The following VGLL4 variants were observed in gnomAD, a reference collection of about 807,000 sequenced individuals.
VGLL4 encodes transcription cofactor vestigial-like protein 4.
Under a neutral mutation model 21.0 loss-of-function variants are expected in VGLL4, and 7 were observed. That is an observed-to-expected ratio of 0.33 (90% CI 0.19 to 0.63). The LOEUF is 0.63. Among genes scored for constraint, VGLL4 ranks in the 20% least tolerant of loss-of-function variants. The pLI is 0.78. For synonymous variants in VGLL4, 222 were observed against 173.2 expected, an observed-to-expected ratio of 1.28 and a Z score of -2.21; for missense variants, 394 against 425.7, an observed-to-expected ratio of 0.93 and a Z score of 0.66.
intron 2 of VGLL4, among the ~76,000 whole-genome samples, chr3:11,578,101 A>G (rs1038284191): frequency 1.3e-5 from 2 of 152,198 alleles, no homozygotes; most frequent in Admixed American, 6.5e-5. Context: ...TAGACAGTCT[A>G]ATAAAAACTA....
At chr3:11,645,603 CA>C (rs34230304), upstream of VGLL4, among the ~76,000 whole-genome samples, 447 of 77,342 alleles carry the variant, frequency 5.8e-3, 21 homozygotes, top group African/African-American at 0.015. Flanking sequence ...GACTCCGTCT[CA>C]AAAAAAAAAA....
At chr3:11,709,280 A>G (rs758910681) in intron 1 of VGLL4, among the ~76,000 whole-genome samples, 9 of 150,930 alleles carry the variant, frequency 6.0e-5, no homozygotes, top group African/African-American at 2.2e-4. Flanking sequence ...TTCTAAAAAT[A>G]TAAGAAATTA....
chr3:11,686,712 TG>T (rs2125387545), intron 2 of VGLL4, among the ~76,000 whole-genome samples: 2 of 152,358 alleles, frequency 1.3e-5, no homozygotes, highest in African/African-American at 4.8e-5. Context: ...TCTTCCTCCA[TG>T]GATTTTAAAT....
intron 1 of VGLL4, among the ~76,000 whole-genome samples, chr3:11,614,775 C>T (rs1010785810): frequency 6.6e-6 from 1 of 152,206 alleles, no homozygotes; most frequent in African/African-American, 2.4e-5. Flanking sequence ...CTTGGGCACG[C>T]ACACCATTCG....
chr3:11,609,385 A>T (rs2075012791), intron 1 of VGLL4, among the ~76,000 whole-genome samples: 1 of 152,218 alleles, frequency 6.6e-6, no homozygotes, highest in Non-Finnish European at 1.5e-5. Flanking sequence ...AACTAACAAA[A>T]TTTTTTGAGA....
chr3:11,566,246 T>C (rs561822014), intron 2 of VGLL4, among the ~76,000 whole-genome samples: 1 of 152,270 alleles, frequency 6.6e-6, no homozygotes, highest in South Asian at 2.1e-4. Context: ...CACACACGCA[T>C]GTGATAGGCG....
chr3:11,595,075 C>T (rs1310810316), intron 2 of VGLL4, among the ~76,000 whole-genome samples: 3 of 152,170 alleles, frequency 2.0e-5, no homozygotes, highest in Non-Finnish European at 2.9e-5. Flanking sequence ...GCAGGAGAAT[C>T]GCTGGAACCC....
exon 2 of VGLL4, chr3:11,703,034 T>C (rs200567151): frequency 2.1e-5 from 34 of 1,611,064 alleles, no homozygotes; most frequent in Non-Finnish European, 2.7e-5. Flanking sequence ...GGCGTCTCCA[T>C]TCCTGGTTGG....
chr3:11,624,941 A>G (rs1343331046), intron 1 of VGLL4, among the ~76,000 whole-genome samples: 1 of 152,214 alleles, frequency 6.6e-6, no homozygotes, highest in Non-Finnish European at 1.5e-5. Context: ...CGCCGCAGGT[A>G]AACAGAGGGA....
intron 2 of VGLL4, among the ~76,000 whole-genome samples, chr3:11,669,057 C>G (rs1284045761): frequency 1.3e-5 from 2 of 152,228 alleles, no homozygotes; most frequent in African/African-American, 4.8e-5. Context: ...ATGTCTTTTT[C>G]TCCTCTGCTG....
At chr3:11,570,622 G>A (rs1185291881) in intron 2 of VGLL4, among the ~76,000 whole-genome samples, 9 of 152,222 alleles carry the variant, frequency 5.9e-5, no homozygotes, top group Admixed American at 4.6e-4. Flanking sequence ...AGTTAACAGC[G>A]TTTGTGGCAA....
rs1482998602 is a variant in VGLL4, at chr3:11,557,667, ATAGT to A, written c.*885_*888del. The A allele has an allele frequency of 1.3e-5, 2 of 152,848 alleles. No homozygotes were observed. Among genetic ancestry groups the A allele is most frequent in the Admixed American group, 6.5e-5 (1 of 15,294 alleles). The allele number at this position is 152,848 out of a possible 1,614,324, so 9.5% of individuals were successfully genotyped here. On this transcript the variant is annotated 3_prime_UTR_variant, in exon 5 of 5. Transcript: ENST00000430365. The stretch of plus-strand genomic sequence containing the variant: ...AAAATAAACTAATTCTGAAAAGAAG[ATAGT>A]AAGTATTAAGGTTTTTGTTTACTGT...
chr3:11,613,064 CAA>C (rs969398797), intron 1 of VGLL4, among the ~76,000 whole-genome samples: 1 of 141,362 alleles, frequency 7.1e-6, no homozygotes, highest in Non-Finnish European at 1.6e-5. Context: ...TGAGGGTAAG[CAA>C]AAAAAAAAAG....
chr3:11,593,571 AAAAAC>A (rs57030582), intron 2 of VGLL4, among the ~76,000 whole-genome samples: 1 of 151,776 alleles, frequency 6.6e-6, no homozygotes, highest in Non-Finnish European at 1.5e-5. Context: ...AGGGCCAGGA[AAAAAC>A]AAAACAAAAC....
At chr3:11,572,501 G>C (rs549172261) in intron 2 of VGLL4, among the ~76,000 whole-genome samples, 8 of 152,140 alleles carry the variant, frequency 5.3e-5, no homozygotes, top group Non-Finnish European at 2.9e-5. Context: ...ACATGCAGAC[G>C]CATGAGGTCC....
chr3:11,642,340 C>T (rs979009721), intron 1 of VGLL4, among the ~76,000 whole-genome samples: 20 of 152,008 alleles, frequency 1.3e-4, no homozygotes, highest in African/African-American at 4.1e-4. Context: ...GGGAAAAATA[C>T]TCTTGAAAGG....
chr3:11,619,036 C>T (rs1318547729), intron 1 of VGLL4, among the ~76,000 whole-genome samples: 3 of 152,158 alleles, frequency 2.0e-5, no homozygotes, highest in Admixed American at 6.5e-5. Flanking sequence ...AAGTTGTGGC[C>T]GTTTCTGGGC....
At chr3:11,591,870 A>G (rs2074506997) in intron 2 of VGLL4, among the ~76,000 whole-genome samples, 1 of 152,270 alleles carries the variant, frequency 6.6e-6, no homozygotes, top group Admixed American at 6.5e-5. Context: ...CAACTGACAT[A>G]CATGGGGCAA....
intron 2 of VGLL4, among the ~76,000 whole-genome samples, chr3:11,686,622 A>G (rs908826997): frequency 6.6e-6 from 1 of 152,202 alleles, no homozygotes; most frequent in Admixed American, 6.5e-5. Context: ...ATACCACTGA[A>G]CTGTACACTT....
Sources: gnomAD v4.1 joint callset for allele counts (sites outside exome capture counted in the v4.1 genomes callset) on GRCh38, gnomAD v4.1.1 for gene constraint, MANE v1.5 for transcripts, NCBI Gene and HGNC (gene_info 2026-07-23, HGNC 2026-07-21) for gene names.